Variants in THOC5 observed in about 807,000 individuals in gnomAD.
The protein encoded by THOC5 is Fms-interacting protein.
In THOC5, 43 loss-of-function variants were observed where a neutral mutation model predicts 92.9. The ratio of observed to expected loss-of-function variants is 0.46; its 90% confidence interval spans 0.36 to 0.60. THOC5 has a LOEUF of 0.60. Ranked by LOEUF, THOC5 falls within the 20% of genes least tolerant of loss-of-function variation. The pLI is 0.00. For missense variants in THOC5, 659 were observed against 849.4 expected (o/e 0.78, Z 2.79); for synonymous variants, 296 against 320.1 (o/e 0.92, Z 0.80).
At position 29,508,431 on chromosome 22, in the gene THOC5, G is replaced by C; in HGVS notation, c.*26C>G. The C allele has an allele frequency of 6.2e-7, 1 of 1,613,154 alleles. No homozygotes were observed. Among genetic ancestry groups the C allele is most frequent in the East Asian group, 2.2e-5 (1 of 44,872 alleles). ...GCCCAGTGCTCAGGGTGAGGCCTTG[G>C]GGGAAACAACGGTCTGCGCGGGAGA... On this transcript the variant is annotated 3_prime_UTR_variant, in exon 20 of 20. Coordinates refer to ENST00000490103, the MANE Select transcript of THOC5 (RefSeq NM_003678.5).
At chr22:29,530,077 A>C (rs1017554846) in intron 8 of THOC5, among the ~76,000 whole-genome samples, 1 of 151,740 alleles carries the variant, frequency 6.6e-6, no homozygotes, top group African/African-American at 2.4e-5. Flanking sequence ...CAGGAGGTGG[A>C]GGTTACTGTG....
intron 8 of THOC5, 133 bp from the exon 9 acceptor site, chr22:29,529,372 A>C: frequency 1.2e-6 from 1 of 858,656 alleles, no homozygotes; most frequent in Non-Finnish European, 1.9e-6. Context: ...GAAGGGCAAA[A>C]GTCCTTGCTC....
At chr22:29,512,191 C>T (rs1202064901) in intron 17 of THOC5, 55 bp from the exon 18 acceptor site, 2 of 1,431,858 alleles carry the variant, frequency 1.4e-6, no homozygotes, top group Non-Finnish European at 2.0e-6. Context: ...GCTTGCCAGC[C>T]ATGGCAGCCT....
At chr22:29,552,728 G>A (rs1303864972) in intron 1 of THOC5, among the ~76,000 whole-genome samples, 3 of 152,158 alleles carry the variant, frequency 2.0e-5, no homozygotes, top group Non-Finnish European at 2.9e-5. Context: ...CCGCCACCCC[G>A]TCTGGGAGGT....
Position 29,543,410 on chromosome 22 carries a change from T to C in THOC5, c.354+19A>G, listed in dbSNP as rs771927979. The C allele has an allele frequency of 6.7e-6, 10 of 1,494,934 alleles. No homozygotes were observed. The highest frequency in any genetic ancestry group is 8.4e-6 in the Non-Finnish European group (9 of 1,077,312). The allele number at this position is 1,494,934 out of a possible 1,614,324, so 92.6% of individuals were successfully genotyped here. A position where few individuals can be genotyped will look rare whatever the true frequency, so the allele number is the denominator to read the frequency against. ...GAGGAGGAAGGAGGAAGGTTAAAAT[T>C]AAACCTTTTAACTACTACCTCGTGG... On this transcript the variant is annotated intron_variant, in intron 4 of 19. Transcript: ENST00000490103.
chr22:29,552,119 T>C (rs1435959982), intron 1 of THOC5, among the ~76,000 whole-genome samples: 10 of 152,116 alleles, frequency 6.6e-5, no homozygotes, highest in Non-Finnish European at 1.3e-4. Flanking sequence ...TGCAGTGGCG[T>C]GATCTCGGCT....
chr22:29,539,260 T>C, intron 6 of THOC5, 70 bp downstream of exon 6: 1 of 1,514,566 alleles, frequency 6.6e-7, no homozygotes. Flanking sequence ...AGTGTTTTGC[T>C]GCCTTATCCT....
At chr22:29,525,809 C>T (rs769292616) in intron 12 of THOC5, 29 bp downstream of exon 12, 42 of 1,577,998 alleles carry the variant, frequency 2.7e-5, no homozygotes, top group Middle Eastern at 3.9e-4. Context: ...CCATCCCGCA[C>T]GTCATTGCCC....
intron 1 of THOC5, among the ~76,000 whole-genome samples, chr22:29,550,187 G>C (rs1478447518): frequency 6.6e-6 from 1 of 152,086 alleles, no homozygotes; most frequent in African/African-American, 2.4e-5. Flanking sequence ...TTTCAGCTAA[G>C]AACTACCACC....
intron 14 of THOC5, among the ~76,000 whole-genome samples, chr22:29,519,731 C>T (rs1217684505): frequency 6.6e-6 from 1 of 151,298 alleles, no homozygotes; most frequent in Non-Finnish European, 1.5e-5. Context: ...CTCCCTGGTT[C>T]AAGTGATTCT....
At position 29,544,440 on chromosome 22, in the gene THOC5, C is replaced by T. The variant is rs2063970542; in HGVS notation, c.240+20G>A. ...TATGTAAACCCACCAGGTTCACGGC[C>T]ACCTGGTCCCACTCCTTACCACATC... On this transcript the variant is annotated intron_variant, in intron 3 of 19. Transcript: ENST00000490103. 6.2e-7 allele frequency: 1 copy of T among 1,608,418 alleles called. No homozygotes were observed. The highest frequency in any genetic ancestry group is 1.7e-5 in the Admixed American group (1 of 59,646).
intron 7 of THOC5, chr22:29,534,626 A>G (rs1001993196): frequency 2.0e-5 from 3 of 151,568 alleles, no homozygotes; most frequent in Admixed American, 6.6e-5. Flanking sequence ...TGCACAGTGC[A>G]TGAGGACCAA....
In THOC5 at chr22:29,539,757, CAGG is replaced by C. The variant is rs532257334; in HGVS notation, c.453-284_453-282del. 2.1e-3 allele frequency among the ~76,000 whole-genome samples: 314 copies of C among 152,292 alleles called. 1 individual carries two copies. Among genetic ancestry groups the C allele is most frequent in the Non-Finnish European group, 3.5e-3 (239 of 68,042 alleles). On this transcript the variant is annotated intron_variant, in intron 5 of 19. Transcript: ENST00000490103. ...AATTTACAAATGTCTCCAAGCTGAGCAGGAGAACTACTAGCTAAAAAGTCAAGT... is the reference window on the plus strand; with the variant it reads ...AATTTACAAATGTCTCCAAGCTGAGCAGAACTACTAGCTAAAAAGTCAAGT...
At chr22:29,523,297 AG>A (rs2063481314) in intron 12 of THOC5, among the ~76,000 whole-genome samples, 1 of 152,054 alleles carries the variant, frequency 6.6e-6, no homozygotes. Flanking sequence ...TCTGTCAGGG[AG>A]GATTTTTAAA....
In THOC5 at chr22:29,508,534, A is replaced by G; in HGVS notation, c.1989-14T>C. The stretch of plus-strand genomic sequence containing the variant: ...CTGCTAGGACCCCTAGAGAAATAGG[A>G]GAACGGAGTTGTTAATAACACACCT... On this transcript the variant is annotated splice_polypyrimidine_tract_variant and intron_variant, in intron 19 of 19. Transcript: ENST00000490103. The G allele has an allele frequency of 6.2e-7, 1 of 1,609,836 alleles. No homozygotes were observed. The highest frequency in any genetic ancestry group is 8.5e-7 in the Non-Finnish European group (1 of 1,176,064).
At chr22:29,549,490 C>G (rs1055908067) in intron 1 of THOC5, among the ~76,000 whole-genome samples, 21 of 152,170 alleles carry the variant, frequency 1.4e-4, no homozygotes, top group African/African-American at 5.1e-4. Flanking sequence ...TATCCAGGCA[C>G]CATGTGTGTC....
chr22:29,541,657 C>G (rs1489280945), intron 5 of THOC5, among the ~76,000 whole-genome samples: 2 of 149,538 alleles, frequency 1.3e-5, no homozygotes, highest in African/African-American at 2.5e-5. Flanking sequence ...ATCAGGAGAT[C>G]GAGACCATCC....
chr22:29,546,541 T>C (rs962705567), intron 2 of THOC5, among the ~76,000 whole-genome samples: 1 of 69,068 alleles, frequency 1.4e-5, no homozygotes, highest in East Asian at 2.7e-4. Flanking sequence ...GCAATTCTCC[T>C]GCCTCAGGCT....
At chr22:29,551,448 A>G (rs2064141768) in intron 1 of THOC5, among the ~76,000 whole-genome samples, 1 of 152,234 alleles carries the variant, frequency 6.6e-6, no homozygotes, top group East Asian at 1.9e-4. Flanking sequence ...AACAACAAAA[A>G]AAGTGACTGG....
Sources: gnomAD v4.1 joint callset for allele counts (sites outside exome capture counted in the v4.1 genomes callset) on GRCh38, gnomAD v4.1.1 for gene constraint, MANE v1.5 for transcripts, NCBI Gene and HGNC (gene_info 2026-07-23, HGNC 2026-07-21) for gene names.